Variants in TOM1L2 observed in about 807,000 individuals in gnomAD.
TOM1L2 encodes the protein TOM1-like protein 2.
In TOM1L2, 31 loss-of-function variants were observed where a neutral mutation model predicts 67.9. The observed-to-expected ratio is 0.46, with a 90% CI of 0.34 to 0.62. The LOEUF is 0.62. Ranked by LOEUF, TOM1L2 falls within the 20% of genes least tolerant of loss-of-function variation. The probability of loss-of-function intolerance (pLI) is 0.01; values close to 1 mark genes in which losing one functional copy is unlikely to be tolerated. For missense variants in TOM1L2, 606 were observed against 663.5 expected (o/e 0.91, Z 0.95); for synonymous variants, 256 against 254.0 (o/e 1.01, Z -0.07).
At chr17:17,959,578 C>T (rs1352440046) in intron 1 of TOM1L2, among the ~76,000 whole-genome samples, 2 of 152,172 alleles carry the variant, frequency 1.3e-5, no homozygotes, top group Admixed American at 6.5e-5. Flanking sequence ...GCAAATTCAG[C>T]TTTCAAACCC....
chr17:17,948,577 G>A (rs775584579), intron 1 of TOM1L2, among the ~76,000 whole-genome samples: 3 of 152,254 alleles, frequency 2.0e-5, no homozygotes, highest in Admixed American at 6.5e-5. Flanking sequence ...ACTTGAACCC[G>A]GGAGGTGGAG....
rs530885459 is a variant in TOM1L2 at position 17,847,586 on chromosome 17, G to A, written c.*49C>T. ...GGAGTGGCCAGTGCCCGGTGTCCACGGGGTGCGAGCGGGGACCCGCCATCT... is the reference window on the plus strand; with the variant it reads ...GGAGTGGCCAGTGCCCGGTGTCCACAGGGTGCGAGCGGGGACCCGCCATCT... On this transcript the variant is annotated 3_prime_UTR_variant, in exon 15 of 15. Transcript: ENST00000379504. 26 of 1,558,382 alleles carry A rather than the reference G, an allele frequency of 1.7e-5. No individual in the cohort carries two copies. Among genetic ancestry groups the A allele is most frequent in the Middle Eastern group, 2.2e-4 (1 of 4,606 alleles).
intron 4 of TOM1L2, among the ~76,000 whole-genome samples, chr17:17,890,300 T>C (rs539802849): frequency 6.6e-6 from 1 of 152,128 alleles, no homozygotes; most frequent in African/African-American, 2.4e-5. Context: ...GTGGAGCCCA[T>C]TCCCCACCAC....
chr17:17,889,382 G>C (rs2038158228), intron 4 of TOM1L2, among the ~76,000 whole-genome samples: 1 of 152,220 alleles, frequency 6.6e-6, no homozygotes, highest in Non-Finnish European at 1.5e-5. Context: ...GCTGGGGGCA[G>C]GCAGATATGC....
chr17:17,918,250 CTT>C (rs543825057), intron 1 of TOM1L2, among the ~76,000 whole-genome samples: 1 of 143,694 alleles, frequency 7.0e-6, no homozygotes, highest in African/African-American at 2.5e-5. Flanking sequence ...AGCAGTTTTT[CTT>C]TTTTTTTTTG....
intron 1 of TOM1L2, among the ~76,000 whole-genome samples, chr17:17,931,953 A>C (rs1454470927): frequency 1.3e-5 from 2 of 152,226 alleles, no homozygotes; most frequent in Non-Finnish European, 2.9e-5. Context: ...CATCAAGGGG[A>C]GCTGGTGTGT....
At chr17:17,911,375 C>G (rs1350416793) in intron 1 of TOM1L2, among the ~76,000 whole-genome samples, 1 of 152,238 alleles carries the variant, frequency 6.6e-6, no homozygotes, top group East Asian at 1.9e-4. Context: ...TGGCCATTAG[C>G]ATATCACCAG....
At chr17:17,913,446 C>T (rs1036567157) in intron 1 of TOM1L2, among the ~76,000 whole-genome samples, 3 of 152,004 alleles carry the variant, frequency 2.0e-5, no homozygotes, top group African/African-American at 7.2e-5. Flanking sequence ...CCAGGGCCGG[C>T]ACCTGGTAGG....
At chr17:17,948,979 C>A (rs149647702) in intron 1 of TOM1L2, among the ~76,000 whole-genome samples, 1 of 152,122 alleles carries the variant, frequency 6.6e-6, no homozygotes, top group African/African-American at 2.4e-5. Flanking sequence ...GTTAAGAGTG[C>A]CAAGCAGGGG....
chr17:17,968,381 T>C (rs1274054233), intron 1 of TOM1L2, among the ~76,000 whole-genome samples: 1 of 152,168 alleles, frequency 6.6e-6, no homozygotes, highest in Non-Finnish European at 1.5e-5. Context: ...GAACGTAGTC[T>C]TTGGGCCGGG....
rs768807403 is a variant in TOM1L2, at chr17:17,847,726, G to C, written c.1433C>G (p.Pro478Arg). The C allele has an allele frequency of 5.6e-6, 9 of 1,613,950 alleles. No homozygotes were observed. In the East Asian group the frequency reaches 2.0e-4, roughly 36 times the overall value. Residue 478 changes from proline to arginine, a missense_variant, in exon 15 of 15, where the codon CCC becomes CGC. Coordinates refer to ENST00000379504, the MANE Select transcript of TOM1L2 (RefSeq NM_001082968.2). ...GGCAGGAGCCTCCATGGGGGGCGAG[G>C]GGAGGTCGGGAACCATTTCAGCAGC... ...AKAAEMVPDL[P>R]SPPMEAPAPA...
chr17:17,894,594 G>A (rs2038458632), intron 3 of TOM1L2, among the ~76,000 whole-genome samples: 1 of 152,220 alleles, frequency 6.6e-6, no homozygotes, highest in Non-Finnish European at 1.5e-5. Context: ...CAGAGATGAT[G>A]AGCTCTCCCT....
intron 1 of TOM1L2, among the ~76,000 whole-genome samples, chr17:17,958,704 T>C (rs1296671560): frequency 6.6e-6 from 1 of 152,198 alleles, no homozygotes; most frequent in African/African-American, 2.4e-5. Flanking sequence ...TTGGTCTTTG[T>C]CCAGGTTCCT....
chr17:17,934,252 C>T (rs2040434980), intron 1 of TOM1L2, among the ~76,000 whole-genome samples: 1 of 152,160 alleles, frequency 6.6e-6, no homozygotes, highest in South Asian at 2.1e-4. Flanking sequence ...CAAGACCAGC[C>T]TGGGCAACAT....
At position 17,918,250 on chromosome 17, in the gene TOM1L2, CT is replaced by C. The variant is rs543825057; in HGVS notation, c.53-10720del. On this transcript the variant is annotated intron_variant, in intron 1 of 14. Transcript: ENST00000379504. ...TATGTTATTCGCTCTAGCAGTTTTT[CT>C]TTTTTTTTTTGTTTTGTGGTATCTT... Among the ~76,000 whole-genome samples the C allele has an allele frequency of 3.5e-3, 499 of 143,452 alleles. 3 individuals are homozygous for C. The highest frequency in any genetic ancestry group is 0.01 in the African/African-American group (401 of 39,480). The allele number at this position is 143,452 out of a possible 152,430, so 94.1% of individuals were successfully genotyped here.
At chr17:17,949,574 G>A (rs761861107) in intron 1 of TOM1L2, among the ~76,000 whole-genome samples, 22 of 152,228 alleles carry the variant, frequency 1.4e-4, no homozygotes, top group Non-Finnish European at 7.3e-5. Flanking sequence ...TGGCTCTCTG[G>A]TCAGAGGACA....
Position 17,907,506 on chromosome 17 carries a change from T to C in TOM1L2, c.78A>G (p.Gln26=), listed in dbSNP as rs763737427. The change falls in exon 2 of 15, where the codon CAA becomes CAG. Residue 26 remains glutamine, a synonymous_variant. Transcript: ENST00000379504. The stretch of plus-strand genomic sequence containing the variant: ...CCATATTCAACGTCCAATCCTCACT[T>C]TGCAGGGAGCCATCTGTTGCCTTTT... The part of the protein sequence containing the change: ...CLEKATDGSL[Q]SEDWTLNMEI... The C allele has an allele frequency of 6.2e-6, 10 of 1,614,044 alleles. No homozygotes were observed. In the South Asian group the frequency reaches 9.9e-5, roughly 16 times the overall value.
intron 12 of TOM1L2, among the ~76,000 whole-genome samples, chr17:17,852,457 G>A (rs1227998843): frequency 3.3e-5 from 5 of 152,176 alleles, no homozygotes; most frequent in Non-Finnish European, 5.9e-5. Flanking sequence ...TCCTAACTTC[G>A]GACCCAATGT....
chr17:17,955,345 T>TTTTTTG (rs2041390335), intron 1 of TOM1L2, among the ~76,000 whole-genome samples: 5 of 146,436 alleles, frequency 3.4e-5, no homozygotes, highest in Non-Finnish European at 4.5e-5. Flanking sequence ...TTTTTTTTTT[T>TTTTTTG]TTTTTGTTTT....
Sources: gnomAD v4.1 joint callset for allele counts (sites outside exome capture counted in the v4.1 genomes callset) on GRCh38, gnomAD v4.1.1 for gene constraint, MANE v1.5 for transcripts, NCBI Gene and HGNC (gene_info 2026-07-23, HGNC 2026-07-21) for gene names.